Variants in DDHD2 observed in about 807,000 individuals in gnomAD.
The protein encoded by DDHD2 is triacylglycerol hydrolase DDHD2.
A neutral mutation model predicts 91.2 loss-of-function variants in DDHD2; 62 were observed. That is an observed-to-expected ratio of 0.68 (90% confidence interval 0.55 to 0.84). The LOEUF is 0.84. DDHD2 is among the 40% of genes least tolerant of loss of function. DDHD2 has a pLI of 0.00. For missense variants in DDHD2, 740 were observed against 846.9 expected (o/e 0.87, Z 1.57); for synonymous variants, 271 against 293.9 (o/e 0.92, Z 0.80).
At chr8:38,271,378 C>T (rs985035436) in exon 2 of DDHD2, 5 of 152,066 alleles carry the variant, frequency 3.3e-5, no homozygotes, top group African/African-American at 7.2e-5. Context: ...GTGACTATTT[C>T]GTACCTGTGG....
intron 9 of DDHD2, chr8:38,247,137 T>A (rs528529394): frequency 6.7e-6 from 1 of 149,412 alleles, no homozygotes; most frequent in East Asian, 1.9e-4. Flanking sequence ...TTCTTTCTTT[T>A]TTTTTTTTTT....
In DDHD2 at chr8:38,259,920, C is replaced by A; in HGVS notation, c.2055-120C>A. ...ATTACATTACTTCTGAATCTCATTT[C>A]TTTGCAGAAGTAAAAAATAAACTTG... On this transcript the variant is annotated intron_variant, in intron 16 of 17. Coordinates refer to ENST00000397166, the MANE Select transcript of DDHD2 (RefSeq NM_015214.3). The A allele has an allele frequency of 6.0e-6, 4 of 669,076 alleles. No individual in the cohort carries two copies. In the South Asian group the frequency reaches 7.6e-5, roughly 13 times the overall value. 41.4% of individuals were successfully genotyped at this position (669,076 alleles called of 1,614,324 possible). A position where few individuals can be genotyped will look rare whatever the true frequency, so the allele number is the denominator to read the frequency against.
At chr8:38,264,386 G>A, downstream of DDHD2, 2 of 1,359,652 alleles carry the variant, frequency 1.5e-6, no homozygotes, top group East Asian at 5.2e-5. Flanking sequence ...ACCCTCCTCA[G>A]CCTCCCAAAG....
downstream of DDHD2, chr8:38,267,227 T>C (rs200110154): frequency 2.2e-5 from 36 of 1,613,840 alleles, no homozygotes; most frequent in African/African-American, 3.9e-4. Context: ...TTCAATGATG[T>C]GAAAACAAGC....
At chr8:38,237,697 C>T (rs1000412911) in intron 4 of DDHD2, 70 bp downstream of exon 4, 10 of 837,842 alleles carry the variant, frequency 1.2e-5, no homozygotes, top group East Asian at 5.5e-5. Context: ...CAATTGGTTT[C>T]TTTTGCTAAG....
intron 7 of DDHD2, among the ~76,000 whole-genome samples, chr8:38,244,738 G>A (rs1805493589): frequency 6.6e-6 from 1 of 150,462 alleles, no homozygotes; most frequent in African/African-American, 2.4e-5. Context: ...CTAATTTTTT[G>A]TATTTTTAGT....
intron 1 of DDHD2, chr8:38,268,527 A>G: frequency 6.5e-7 from 1 of 1,539,126 alleles, no homozygotes; most frequent in African/African-American, 1.4e-5. Flanking sequence ...CCTACAGGAA[A>G]GAGGGATGTG....
downstream of DDHD2, chr8:38,267,313 G>A (rs527909098): frequency 6.2e-7 from 1 of 1,613,968 alleles, no homozygotes; most frequent in African/African-American, 1.3e-5. Flanking sequence ...CATTCACCAC[G>A]TCCTTATCCC....
At chr8:38,266,815 G>A (rs1429330608), downstream of DDHD2, among the ~76,000 whole-genome samples, 2 of 152,144 alleles carry the variant, frequency 1.3e-5, no homozygotes, top group Non-Finnish European at 2.9e-5. Flanking sequence ...TTTTATCTGA[G>A]TATAGTTTTC....
At chr8:38,237,170 G>A (rs1429110026) in intron 3 of DDHD2, among the ~76,000 whole-genome samples, 1 of 151,942 alleles carries the variant, frequency 6.6e-6, no homozygotes. Context: ...GAGGTCAGGA[G>A]TTTGAGACCA....
chr8:38,247,939 TTTATGA>T (rs1206153325), intron 10 of DDHD2, 104 bp downstream of exon 10: 11 of 855,470 alleles, frequency 1.3e-5, no homozygotes, highest in Non-Finnish European at 1.9e-5. Context: ...TCATAAATAC[TTTATGA>T]TTAATGTTCC....
chr8:38,257,362 C>T (rs913443029), intron 16 of DDHD2, among the ~76,000 whole-genome samples: 3 of 145,154 alleles, frequency 2.1e-5, no homozygotes, highest in Non-Finnish European at 3.0e-5. Context: ...AATTCTTGTA[C>T]CTCAGCTTCC....
Position 38,260,072 on chromosome 8 carries a change from A to G in DDHD2, c.2087A>G (p.Lys696Arg). The G allele has an allele frequency of 6.2e-7, 1 of 1,613,750 alleles. No homozygotes were observed. Among genetic ancestry groups the G allele is most frequent in the Admixed American group, 1.7e-5 (1 of 60,036 alleles). The change falls in exon 17 of 18, where the codon AAA (lysine) becomes AGA (arginine). Residue 696 changes from lysine to arginine, a missense_variant. By Grantham distance (26) the Lys-to-Arg change is conservative. This residue lies in a region of DDHD2 where 47 missense variants were observed against 82.6 expected (regional missense o/e 0.57). Transcript: ENST00000397166. ...ESEDTVLLVLKEIYQTQGIFL... is the reference protein window; with the variant it reads ...ESEDTVLLVLREIYQTQGIFL... ...GAAGATACAGTATTGCTCGTCCTCA[A>G]AGAGATCTACCAAACCCAGGGTATC...
intron 6 of DDHD2, among the ~76,000 whole-genome samples, chr8:38,241,277 A>G (rs556250184): frequency 6.6e-6 from 1 of 152,012 alleles, no homozygotes; most frequent in Admixed American, 6.6e-5. Flanking sequence ...TATAAGAACC[A>G]GAAAGTTAGG....
chr8:38,240,020 G>A (rs1179862051), intron 5 of DDHD2, among the ~76,000 whole-genome samples: 1 of 151,698 alleles, frequency 6.6e-6, no homozygotes, highest in Non-Finnish European at 1.5e-5. Context: ...ACCGCGCCCA[G>A]CCGAGTTTTC....
At chr8:38,245,630 C>T (rs1436479272) in intron 7 of DDHD2, 112 bp from the exon 8 acceptor site, 22 of 993,200 alleles carry the variant, frequency 2.2e-5, no homozygotes, top group Admixed American at 1.7e-4. Flanking sequence ...TTGTTTTTTC[C>T]TATAAATCGA....
downstream of DDHD2, chr8:38,262,888 G>T (rs950788630): frequency 3.9e-5 from 6 of 152,142 alleles, no homozygotes; most frequent in Non-Finnish European, 8.8e-5. Flanking sequence ...TTTGGGCAAA[G>T]AACTAATATG....
downstream of DDHD2, chr8:38,263,603 A>G: frequency 1.0e-6 from 1 of 985,458 alleles, no homozygotes; most frequent in South Asian, 4.7e-5. Flanking sequence ...GGCTGGACTC[A>G]GATAAGATGC....
At chr8:38,240,201 C>A (rs1203178889) in intron 5 of DDHD2, 74 bp from the exon 6 acceptor site, 9 of 831,316 alleles carry the variant, frequency 1.1e-5, no homozygotes, top group Admixed American at 2.2e-5. Context: ...ATATTTATAA[C>A]CTTTTCATGA....
Sources: gnomAD v4.1 joint callset for allele counts (sites outside exome capture counted in the v4.1 genomes callset) on GRCh38, gnomAD v4.1.1 for gene constraint, gnomAD v4.1.1 regional missense constraint, MANE v1.5 for transcripts, NCBI Gene and HGNC (gene_info 2026-07-23, HGNC 2026-07-21) for gene names.